Variants in ZNRF1 observed in about 807,000 individuals in gnomAD.
ZNRF1 encodes the protein zinc and ring finger 1, also known as E3 ubiquitin-protein ligase ZNRF1.
In ZNRF1, 3 loss-of-function variants were observed where a neutral mutation model predicts 18.4. The ratio of observed to expected loss-of-function variants is 0.16; its 90% CI spans 0.07 to 0.42. The LOEUF (loss-of-function observed/expected upper bound fraction) is 0.42, where lower values mean the gene tolerates loss of function less well. Among genes scored for constraint, ZNRF1 ranks in the 10% least tolerant of loss-of-function variants. ZNRF1 has a pLI of 0.99. For synonymous variants in ZNRF1, 157 were observed against 144.2 expected (o/e 1.09, Z -0.64); for missense variants, 310 against 329.8 (o/e 0.94, Z 0.47).
intron 1 of ZNRF1, among the ~76,000 whole-genome samples, chr16:75,039,758 C>T (rs186186037): frequency 4.6e-5 from 7 of 152,276 alleles, no homozygotes; most frequent in Admixed American, 6.5e-5. Context: ...GTGATTCTTA[C>T]GTGTGCTGTT....
At chr16:75,069,365 C>T (rs2035842169) in intron 1 of ZNRF1, among the ~76,000 whole-genome samples, 1 of 152,150 alleles carries the variant, frequency 6.6e-6, no homozygotes, top group East Asian at 1.9e-4. Context: ...AATGGTTTCC[C>T]CTCAGGCTTA....
chr16:75,076,844 C>G (rs950917151), intron 1 of ZNRF1, among the ~76,000 whole-genome samples: 1 of 151,766 alleles, frequency 6.6e-6, no homozygotes, highest in South Asian at 2.1e-4. Context: ...GAAGAAGAGA[C>G]ACCAGCGCTT....
At chr16:75,082,105 C>T (rs1406409473) in intron 1 of ZNRF1, among the ~76,000 whole-genome samples, 3 of 152,196 alleles carry the variant, frequency 2.0e-5, no homozygotes, top group Non-Finnish European at 4.4e-5. Context: ...CGGTCTTGAA[C>T]TCCTGACTTA....
chr16:75,096,130 CTT>C (rs1054287054), intron 2 of ZNRF1, among the ~76,000 whole-genome samples: 1 of 150,410 alleles, frequency 6.6e-6, no homozygotes, highest in Non-Finnish European at 1.5e-5. Flanking sequence ...CTAAGGCTCT[CTT>C]TTGCAAAAGC....
At chr16:75,097,414 G>A (rs1282354047) in intron 2 of ZNRF1, among the ~76,000 whole-genome samples, 1 of 152,152 alleles carries the variant, frequency 6.6e-6, no homozygotes, top group Non-Finnish European at 1.5e-5. Flanking sequence ...GTGTTCTGGG[G>A]GAGCAGAAGC....
At chr16:75,016,030 C>T (rs2035062406) in intron 1 of ZNRF1, among the ~76,000 whole-genome samples, 1 of 151,072 alleles carries the variant, frequency 6.6e-6, no homozygotes, top group Non-Finnish European at 1.5e-5. Flanking sequence ...ATACCATTCT[C>T]CTCCCTCAGC....
At chr16:75,010,701 G>GTTTTTTGTTT (rs2034983966) in intron 1 of ZNRF1, among the ~76,000 whole-genome samples, 1 of 63,768 alleles carries the variant, frequency 1.6e-5, no homozygotes, top group African/African-American at 4.5e-5. Context: ...GTACTGTACT[G>GTTTTTTGTTT]TTTTTTTTTG....
chr16:75,012,857 C>G (rs1021896736), intron 1 of ZNRF1, among the ~76,000 whole-genome samples: 1 of 152,172 alleles, frequency 6.6e-6, no homozygotes, highest in Non-Finnish European at 1.5e-5. Flanking sequence ...CTGTGTTTTC[C>G]TGGCTTTGTA....
intron 1 of ZNRF1, among the ~76,000 whole-genome samples, chr16:75,026,823 C>T (rs1439575534): frequency 1.3e-5 from 2 of 151,928 alleles, no homozygotes; most frequent in East Asian, 3.9e-4. Context: ...TTAATCCCAG[C>T]TACTCAGGAG....
intron 1 of ZNRF1, among the ~76,000 whole-genome samples, chr16:75,022,166 A>C (rs989352421): frequency 5.3e-5 from 8 of 151,968 alleles, no homozygotes; most frequent in South Asian, 2.1e-4. Flanking sequence ...GAGGCAGGAG[A>C]ATCACTTGGA....
chr16:75,092,253 G>A (rs1007730462), intron 1 of ZNRF1, among the ~76,000 whole-genome samples: 5 of 152,200 alleles, frequency 3.3e-5, no homozygotes, highest in African/African-American at 1.2e-4. Flanking sequence ...TTCACATTGA[G>A]TAGGCTGAAG....
At chr16:75,001,276 C>A (rs1229271869) in intron 1 of ZNRF1, among the ~76,000 whole-genome samples, 1 of 152,058 alleles carries the variant, frequency 6.6e-6, no homozygotes, top group Non-Finnish European at 1.5e-5. Flanking sequence ...TCTCTTTCCC[C>A]CCCCCTGCAA....
intron 1 of ZNRF1, among the ~76,000 whole-genome samples, chr16:75,026,802 G>A (rs1028941522): frequency 1.3e-5 from 2 of 151,890 alleles, no homozygotes; most frequent in Non-Finnish European, 2.9e-5. Flanking sequence ...CTGGCGTGGT[G>A]GTGCGTGCCT....
intron 1 of ZNRF1, among the ~76,000 whole-genome samples, chr16:75,028,919 A>G (rs1002661540): frequency 1.3e-5 from 2 of 152,126 alleles, no homozygotes; most frequent in African/African-American, 4.8e-5. Flanking sequence ...TCCTTTGCAG[A>G]TTCCTCTTTA....
chr16:75,096,750 A>C (rs2036204686), intron 2 of ZNRF1, among the ~76,000 whole-genome samples: 1 of 152,206 alleles, frequency 6.6e-6, no homozygotes, highest in Non-Finnish European at 1.5e-5. Context: ...AAAAAAGTAG[A>C]AACCTCCTAA....
At chr16:75,056,823 C>T (rs1179997936) in intron 1 of ZNRF1, among the ~76,000 whole-genome samples, 1 of 152,156 alleles carries the variant, frequency 6.6e-6, no homozygotes, top group Non-Finnish European at 1.5e-5. Context: ...GATGGGGTAA[C>T]TTAAGAAGTT....
intron 1 of ZNRF1, among the ~76,000 whole-genome samples, chr16:75,038,932 G>C (rs1291750878): frequency 1.3e-5 from 2 of 152,096 alleles, no homozygotes; most frequent in Admixed American, 6.5e-5. Context: ...GTGATGTTGA[G>C]TACTATTGTT....
chr16:75,031,171 G>C, intron 1 of ZNRF1, among the ~76,000 whole-genome samples: 1 of 142,434 alleles, frequency 7.0e-6, no homozygotes. Context: ...TTGCTCTGTT[G>C]CCCAGGCTGG....
chr16:75,019,837 G>C (rs1057463558), intron 1 of ZNRF1, among the ~76,000 whole-genome samples: 3 of 152,114 alleles, frequency 2.0e-5, no homozygotes, highest in African/African-American at 7.2e-5. Flanking sequence ...CGATCCTCCT[G>C]CCTCAGCCTC....
Sources: gnomAD v4.1 joint callset for allele counts (sites outside exome capture counted in the v4.1 genomes callset) on GRCh38, gnomAD v4.1.1 for gene constraint, MANE v1.5 for transcripts, NCBI Gene and HGNC (gene_info 2026-07-23, HGNC 2026-07-21) for gene names.